Variants in SLCO1B1 observed in about 807,000 individuals in gnomAD.
SLCO1B1 encodes solute carrier organic anion transporter family member 1B1.
Under a neutral mutation model 70.1 loss-of-function variants are expected in SLCO1B1, and 81 were observed. The observed-to-expected ratio is 1.16, with a 90% CI of 0.97 to 1.39. The LOEUF (loss-of-function observed/expected upper bound fraction) is 1.39, where lower values mean the gene tolerates loss of function less well. SLCO1B1 is among the 40% of genes most tolerant of loss of function. The probability of loss-of-function intolerance (pLI) is 0.00; values close to 1 mark genes in which losing one functional copy is unlikely to be tolerated. For missense variants in SLCO1B1, 895 were observed against 799.6 expected (o/e 1.12, Z -1.44); for synonymous variants, 283 against 271.5 (o/e 1.04, Z -0.42).
At chr12:21,215,238 G>C (rs1941344530) in intron 11 of SLCO1B1, among the ~76,000 whole-genome samples, 1 of 152,164 alleles carries the variant, frequency 6.6e-6, no homozygotes, top group Non-Finnish European at 1.5e-5. Context: ...GTGAGAGTGG[G>C]CATTCATGCT....
rs1941145239 is a variant in SLCO1B1, at chr12:21,200,553, T to C, written c.1016T>C (p.Val339Ala). ...FKSILTNPLY[V>A]MFVLLTLLQV... is the part of the protein sequence containing the mutation. ...AGCATCCTTACTAATCCCCTGTATG[T>C]TATGTTTGTGCTTTTGACGTTGTTA... The change falls in exon 9 of 15, where the codon GTT becomes GCT. Residue 339 changes from valine to alanine, a missense_variant. By Grantham distance (64) the Val-to-Ala change is moderately conservative (BLOSUM62 0). Transcript: ENST00000256958. 2 of 1,605,830 alleles carry C rather than the reference T, an allele frequency of 1.2e-6. No homozygotes were observed. The highest frequency in any genetic ancestry group is 1.3e-5 in the African/African-American group (1 of 74,776).
rs1591817128 is a variant in SLCO1B1, at chr12:21,197,607, G to A, written c.970+419G>A. Among the ~76,000 whole-genome samples, 4 of 152,096 alleles carry A rather than the reference G, an allele frequency of 2.6e-5. No individual in the cohort carries two copies. The South Asian group carries it at 8.3e-4, about 32-fold the overall frequency. On this transcript the variant is annotated intron_variant, in intron 8 of 14. Transcript: ENST00000256958. ...ACCTCTATTTTTCAAGAACCTAGTG[G>A]GTGATGCTGAGAAATATATAGACAA...
intron 1 of SLCO1B1, among the ~76,000 whole-genome samples, chr12:21,141,146 G>T (rs902502071): frequency 1.3e-4 from 20 of 151,804 alleles, no homozygotes; most frequent in African/African-American, 3.9e-4. Context: ...AAACTAGAAG[G>T]ATAAAGAAAA....
At chr12:21,212,139 C>T in intron 11 of SLCO1B1, among the ~76,000 whole-genome samples, 2 of 130,706 alleles carry the variant, frequency 1.5e-5, no homozygotes, top group African/African-American at 5.9e-5. Context: ...TTTTCTAGTT[C>T]TTTTAATTGT....
At chr12:21,202,434 A>G (rs1941168842) in intron 9 of SLCO1B1, 57 bp from the exon 10 acceptor site, 25 of 1,101,904 alleles carry the variant, frequency 2.3e-5, no homozygotes, top group Non-Finnish European at 3.2e-5. Flanking sequence ...TGTTTCATCT[A>G]TAAAGACATA....
intron 14 of SLCO1B1, among the ~76,000 whole-genome samples, chr12:21,232,953 A>G (rs923672167): frequency 1.3e-5 from 2 of 152,304 alleles, no homozygotes; most frequent in Admixed American, 6.5e-5. Context: ...TTATAAAACT[A>G]TAGGCAAAAG....
In SLCO1B1 at chr12:21,196,970, A is replaced by G; in HGVS notation, c.752A>G (p.Asp251Gly). The change falls in exon 8 of 15, where the codon GAT becomes GGT. Residue 251 changes from aspartate to glycine, a missense_variant. Coordinates refer to ENST00000256958, the MANE Select transcript of SLCO1B1 (RefSeq NM_006446.5). ...GGCACTATCAGGATAACTCCTACTG[A>G]TTCTCGATGGGTTGGAGCTTGGTGG... ...DLSTIRITPT[D>G]SRWVGAWWLN... 1 of 1,613,486 alleles carries G rather than the reference A, an allele frequency of 6.2e-7. No individual in the cohort carries two copies. Among genetic ancestry groups the G allele is most frequent in the Non-Finnish European group, 8.5e-7 (1 of 1,179,572 alleles).
At chr12:21,222,753 G>A (rs1250243801) in intron 13 of SLCO1B1, among the ~76,000 whole-genome samples, 1 of 151,878 alleles carries the variant, frequency 6.6e-6, no homozygotes, top group Non-Finnish European at 1.5e-5. Flanking sequence ...GCAGAGTGAA[G>A]GGCCTAACTT....
intron 11 of SLCO1B1, among the ~76,000 whole-genome samples, chr12:21,215,749 C>T (rs1455112616): frequency 6.6e-6 from 1 of 152,132 alleles, no homozygotes; most frequent in Admixed American, 6.5e-5. Flanking sequence ...AAGAGTCCTT[C>T]TTTCTCAATT....
intron 8 of SLCO1B1, 38 bp from the exon 9 acceptor site, chr12:21,200,470 T>G: frequency 7.5e-7 from 1 of 1,342,236 alleles, no homozygotes. Flanking sequence ...ATATTTAAGT[T>G]GCATTCAAAT....
chr12:21,211,355 G>C (rs11045864), intron 11 of SLCO1B1, among the ~76,000 whole-genome samples: 1 of 151,412 alleles, frequency 6.6e-6, no homozygotes, highest in African/African-American at 2.4e-5. Flanking sequence ...TTATATGCTG[G>C]ATTACATTTA....
chr12:21,224,924 T>C, intron 14 of SLCO1B1, 85 bp downstream of exon 14: 2 of 697,882 alleles, frequency 2.9e-6, no homozygotes, highest in Non-Finnish European at 4.8e-6. Flanking sequence ...ATAATAATAT[T>C]AATAATGATA....
chr12:21,182,157 A>G (rs1214255718), intron 7 of SLCO1B1, among the ~76,000 whole-genome samples: 1 of 152,166 alleles, frequency 6.6e-6, no homozygotes, highest in East Asian at 1.9e-4. Flanking sequence ...AACCCAGTGC[A>G]GGGTTGTTGA....
chr12:21,132,783 G>T (rs970932656), intron 1 of SLCO1B1, among the ~76,000 whole-genome samples: 1 of 151,934 alleles, frequency 6.6e-6, no homozygotes, highest in African/African-American at 2.4e-5. Flanking sequence ...TCTGTAGGTT[G>T]CCTGTTCACT....
rs1237744429 is a variant in SLCO1B1, at chr12:21,209,379, G to C, written c.1497+3346G>C. ...CAGTTTCATCCATGTCCCTACAAAG[G>C]ACATGAACTCATCATTTTTTATGGC... On this transcript the variant is annotated intron_variant, in intron 11 of 14. Transcript: ENST00000256958. Among the ~76,000 whole-genome samples the C allele has an allele frequency of 5.9e-5, 9 of 152,226 alleles. No individual in the cohort carries two copies. The East Asian group carries it at 1.5e-3, about 26-fold the overall frequency.
chr12:21,185,555 A>T (rs988016205), intron 7 of SLCO1B1, among the ~76,000 whole-genome samples: 1 of 152,162 alleles, frequency 6.6e-6, no homozygotes, highest in South Asian at 2.1e-4. Context: ...TAAAATAGAG[A>T]CACACCTCAC....
chr12:21,160,321 C>T (rs555591589), intron 2 of SLCO1B1, among the ~76,000 whole-genome samples: 3 of 151,768 alleles, frequency 2.0e-5, no homozygotes, highest in Admixed American at 1.3e-4. Flanking sequence ...GAAATTAGGC[C>T]GCATGCCTAT....
At chr12:21,226,780 A>G (rs1189480649) in intron 14 of SLCO1B1, among the ~76,000 whole-genome samples, 2 of 152,060 alleles carry the variant, frequency 1.3e-5, no homozygotes, top group African/African-American at 4.8e-5. Flanking sequence ...ACTAATACAA[A>G]CTGTTAATGA....
chr12:21,222,309 A>G lies in SLCO1B1; in HGVS notation c.1692A>G (p.Gln564=), dbSNP rs146415464. 2.9e-5 allele frequency: 40 copies of G among 1,381,548 alleles called. No homozygotes were observed. The highest frequency in any genetic ancestry group is 2.6e-4 in the African/African-American group (17 of 65,918). 85.6% of individuals were successfully genotyped at this position (1,381,548 alleles called of 1,614,324 possible). The change falls in exon 13 of 15, where the codon CAA becomes CAG. Residue 564 remains glutamine (Q), a synonymous_variant. Coordinates refer to ENST00000256958, the MANE Select transcript of SLCO1B1 (RefSeq NM_006446.5). ...SHVMLIVKIV[Q]PELKSLALGF... ...CTTTGTCTTGTTTCAGAATTGTTCAACCTGAATTGAAATCACTTGCACTGG... is the reference window on the plus strand; with the variant it reads ...CTTTGTCTTGTTTCAGAATTGTTCAGCCTGAATTGAAATCACTTGCACTGG...
Sources: allele counts gnomAD v4.1 joint callset (sites outside exome capture counted in the v4.1 genomes callset), GRCh38; gene constraint gnomAD v4.1.1; transcripts MANE v1.5; gene names NCBI Gene and HGNC (gene_info 2026-07-23, HGNC 2026-07-21).